The following RTN1 variants were observed in gnomAD, a reference collection of about 807,000 sequenced individuals.
RTN1 encodes reticulon 1, also known as reticulon-1.
A neutral mutation model predicts 65.5 loss-of-function variants in RTN1; 25 were observed. That is an observed-to-expected ratio of 0.38 (90% CI 0.28 to 0.53). RTN1 has a LOEUF of 0.53. Among genes scored for constraint, RTN1 ranks in the 20% least tolerant of loss-of-function variants. RTN1 has a pLI of 0.79. For synonymous variants in RTN1, 471 were observed against 447.6 expected (o/e 1.05, Z -0.66); for missense variants, 983 against 1,025.4 (o/e 0.96, Z 0.57).
At chr14:59,814,384 T>C (rs1295866854) in intron 1 of RTN1, among the ~76,000 whole-genome samples, 1 of 152,182 alleles carries the variant, frequency 6.6e-6, no homozygotes, top group African/African-American at 2.4e-5. Context: ...TGATTGCATA[T>C]TGGCAGTGAG....
At position 59,836,563 on chromosome 14, in the gene RTN1, G is replaced by A. The variant is rs955575962; in HGVS notation, c.241+33827C>T. Among the ~76,000 whole-genome samples the A allele has an allele frequency of 6.6e-6, 1 of 152,146 alleles. No homozygotes were observed. The highest frequency in any genetic ancestry group is 2.4e-5 in the African/African-American group (1 of 41,420). Reference sequence around the variant, plus strand: ...TAGAAAAAATTGATGAAACCAGGAGGGAGGACATCCCAGATTTTTAAAATC... The same window carrying A: ...TAGAAAAAATTGATGAAACCAGGAGAGAGGACATCCCAGATTTTTAAAATC... On this transcript the variant is annotated intron_variant, in intron 1 of 8. Coordinates refer to ENST00000267484, the MANE Select transcript of RTN1 (RefSeq NM_021136.3). This position sits in a 1 kb window ranked among gnomAD's most constrained non-coding sequence, Gnocchi z 4.9.
At chr14:59,728,811 T>C (rs1178229404) in intron 2 of RTN1, among the ~76,000 whole-genome samples, 1 of 152,194 alleles carries the variant, frequency 6.6e-6, no homozygotes, top group African/African-American at 2.4e-5. Context: ...CTGTTATTTA[T>C]TGAGAACCTA....
chr14:59,657,433 A>G (rs142943057), intron 3 of RTN1, among the ~76,000 whole-genome samples: 109 of 152,146 alleles, frequency 7.2e-4, no homozygotes, highest in African/African-American at 2.6e-3. Flanking sequence ...AAACAAAACA[A>G]AAAAGGGTGT....
chr14:59,729,329 A>G (rs1279103034), intron 2 of RTN1, among the ~76,000 whole-genome samples: 1 of 152,198 alleles, frequency 6.6e-6, no homozygotes, highest in Non-Finnish European at 1.5e-5. Flanking sequence ...TCTGAGTGAG[A>G]TTAGAAGACA....
chr14:59,850,392 T>C (rs963933436), intron 1 of RTN1, among the ~76,000 whole-genome samples: 1 of 152,240 alleles, frequency 6.6e-6, no homozygotes, highest in African/African-American at 2.4e-5. Flanking sequence ...GAAGACCTCA[T>C]GTAATTTATT....
intron 5 of RTN1, chr14:59,604,950 TTAG>T (rs1248158007): frequency 1.3e-5 from 2 of 153,304 alleles, no homozygotes; most frequent in Non-Finnish European, 2.9e-5. Context: ...ACTATTAATA[TTAG>T]TAGAATCTAG....
At chr14:59,677,775 C>T (rs886628021) in intron 3 of RTN1, among the ~76,000 whole-genome samples, 9 of 152,212 alleles carry the variant, frequency 5.9e-5, no homozygotes, top group African/African-American at 2.2e-4. Context: ...CTTCTAGCTT[C>T]CAAAGGTGAC....
chr14:59,700,838 A>G (rs1050893741), intron 3 of RTN1, among the ~76,000 whole-genome samples: 5 of 152,184 alleles, frequency 3.3e-5, no homozygotes, highest in African/African-American at 1.2e-4. Context: ...ACACCAAAAG[A>G]GAAGCAGCAA....
In RTN1 at chr14:59,607,398, C is replaced by T. The variant is rs1566658655; in HGVS notation, c.1860G>A (p.Val620=). The change falls in exon 4 of 9, where the codon GTG becomes GTA. Residue 620 remains valine (V), a synonymous_variant. Transcript: ENST00000267484. ...GGGCCAGGTAGGCCACGACGCTCAC[C>T]ACGCTGAACTGGGTCAGGGAGAAGA... The part of the protein sequence containing the change: ...LLLFSLTQFS[V]VSVVAYLALA... The T allele has an allele frequency of 1.9e-6, 3 of 1,614,056 alleles. No homozygotes were observed. Among genetic ancestry groups the T allele is most frequent in the South Asian group, 2.2e-5 (2 of 91,062 alleles).
chr14:59,792,089 G>C (rs1451902505), intron 1 of RTN1, among the ~76,000 whole-genome samples: 1 of 152,056 alleles, frequency 6.6e-6, no homozygotes, highest in African/African-American at 2.4e-5. Context: ...TTCTTTCTCT[G>C]GCTGCTACAT....
At position 59,852,347 on chromosome 14, in the gene RTN1, G is replaced by GA. The variant is rs199507785; in HGVS notation, c.241+18042dup. Among the ~76,000 whole-genome samples, 470 of 152,222 alleles carry GA rather than the reference G, an allele frequency of 3.1e-3. 3 individuals are homozygous for GA. The highest frequency in any genetic ancestry group is 0.02 in the Middle Eastern group (6 of 294). Reference sequence around the variant, plus strand: ...ATATGCACACTTTACATAAAATTGAGAAAAAAACTGATTTTCCACATTGAA... The same window carrying GA: ...ATATGCACACTTTACATAAAATTGAGAAAAAAAACTGATTTTCCACATTGAA... On this transcript the variant is annotated intron_variant, in intron 1 of 8. Transcript: ENST00000267484.
intron 2 of RTN1, among the ~76,000 whole-genome samples, chr14:59,737,693 C>T (rs191851751): frequency 2.8e-4 from 42 of 152,248 alleles, no homozygotes; most frequent in African/African-American, 1.0e-3. Flanking sequence ...AAAAGAGAGC[C>T]AGAATAGCCA....
intron 1 of RTN1, among the ~76,000 whole-genome samples, chr14:59,749,799 T>TTATATATATCTATATGTATATTTA (rs1885398048): frequency 3.0e-5 from 3 of 101,280 alleles, no homozygotes; most frequent in African/African-American, 1.3e-4. Context: ...ATATGTATAT[T>TTATATATATCTATATGTATATTTA]TATATATATC....
At chr14:59,701,752 C>G (rs567197592) in intron 3 of RTN1, among the ~76,000 whole-genome samples, 3 of 152,182 alleles carry the variant, frequency 2.0e-5, no homozygotes, top group Admixed American at 2.0e-4. Context: ...TTTTTTGAAG[C>G]TAGATAGTAG....
In RTN1 at chr14:59,645,814, G is replaced by A. The variant is rs187163369; in HGVS notation, c.1766-38322C>T. ...GCAACCACTCTGCCCCTGCCTGACCGCTTCAATCAGAGGCAGCCCAGCAGT... is the reference window on the plus strand; with the variant it reads ...GCAACCACTCTGCCCCTGCCTGACCACTTCAATCAGAGGCAGCCCAGCAGT... On this transcript the variant is annotated intron_variant, in intron 3 of 8. Transcript: ENST00000267484. 2.4e-4 allele frequency among the ~76,000 whole-genome samples: 36 copies of A among 152,306 alleles called. No homozygotes were observed. In the South Asian group the frequency reaches 3.1e-3, roughly 13 times the overall value.
intron 2 of RTN1, among the ~76,000 whole-genome samples, chr14:59,741,377 C>T (rs1163020650): frequency 6.6e-6 from 1 of 152,148 alleles, no homozygotes; most frequent in Non-Finnish European, 1.5e-5. Flanking sequence ...TTACACTTTG[C>T]CTTGCTGTAT....
intron 1 of RTN1, among the ~76,000 whole-genome samples, chr14:59,810,005 C>A (rs866578930): frequency 7.9e-5 from 12 of 152,268 alleles, no homozygotes; most frequent in Middle Eastern, 3.4e-3. Context: ...GTACCCACTA[C>A]GTTCCTAGCC....
At chr14:59,845,388 C>T (rs1196647913) in intron 1 of RTN1, among the ~76,000 whole-genome samples, 1 of 152,164 alleles carries the variant, frequency 6.6e-6, no homozygotes, top group Non-Finnish European at 1.5e-5. Flanking sequence ...CATGTCTGAG[C>T]CGGAAACTTA....
chr14:59,851,008 T>G (rs1887495379), intron 1 of RTN1, among the ~76,000 whole-genome samples: 1 of 152,252 alleles, frequency 6.6e-6, no homozygotes, highest in Non-Finnish European at 1.5e-5. Context: ...GTCTACTGAT[T>G]GTTTTCCCCC....
Sources: gnomAD v4.1 joint callset for allele counts (sites outside exome capture counted in the v4.1 genomes callset) on GRCh38, gnomAD v4.1.1 for gene constraint, Gnocchi (gnomAD v3.1) non-coding constraint, MANE v1.5 for transcripts, NCBI Gene and HGNC (gene_info 2026-07-23, HGNC 2026-07-21) for gene names.